TSHZ2: variants seen among roughly 807,000 people sequenced by gnomAD.
The protein encoded by TSHZ2 is teashirt homolog 2.
In TSHZ2, 21 loss-of-function variants were observed where a neutral mutation model predicts 74.4. The observed-to-expected ratio is 0.28, with a 90% CI of 0.20 to 0.41. The LOEUF is 0.41. Ranked by LOEUF, TSHZ2 falls within the 10% of genes least tolerant of loss-of-function variation. The pLI is 1.00. For missense variants in TSHZ2, 1,244 were observed against 1,293.5 expected (o/e 0.96, Z 0.59); for synonymous variants, 540 against 515.3 (o/e 1.05, Z -0.65).
chr20:53,346,901 T>C (rs1271442358), intron 2 of TSHZ2, among the ~76,000 whole-genome samples: 13 of 152,198 alleles, frequency 8.5e-5, no homozygotes, highest in Admixed American at 8.5e-4. Flanking sequence ...TAAACATCTC[T>C]TTGTCCAGTT....
chr20:53,320,020 G>A lies in TSHZ2; in HGVS notation c.*8+63449G>A, dbSNP rs1366305689. 4.6e-5 allele frequency among the ~76,000 whole-genome samples: 7 copies of A among 152,112 alleles called. No homozygotes were observed. The East Asian group carries it at 1.2e-3, about 25-fold the overall frequency. On this transcript the variant is annotated intron_variant, in intron 2 of 2. Transcript: ENST00000371497. ...TGAGAAAGCCCAATCACCCTTTCTG[G>A]GCCATCAACCTAAACCTCAATGGCC...
chr20:53,208,557 A>G (rs1029763585), intron 1 of TSHZ2: 10 of 152,008 alleles, frequency 6.6e-5, no homozygotes, highest in African/African-American at 2.4e-4. Context: ...GCTTGACTTG[A>G]TAATGACTCC....
chr20:53,278,072 T>C (rs1990981287), intron 2 of TSHZ2, among the ~76,000 whole-genome samples: 1 of 152,170 alleles, frequency 6.6e-6, no homozygotes, highest in African/African-American at 2.4e-5. Flanking sequence ...GAGCTACCAT[T>C]TCACGAGTGT....
chr20:53,371,015 T>C (rs926696012), intron 2 of TSHZ2, among the ~76,000 whole-genome samples: 1 of 152,322 alleles, frequency 6.6e-6, no homozygotes, highest in African/African-American at 2.4e-5. Context: ...CTGGTGTTCC[T>C]TGGGTTGCGG....
chr20:53,196,031 G>A (rs1357614744), intron 1 of TSHZ2, among the ~76,000 whole-genome samples: 2 of 152,186 alleles, frequency 1.3e-5, no homozygotes, highest in African/African-American at 2.4e-5. Flanking sequence ...CTCGGCTTCT[G>A]CGTCGCAGCC....
chr20:53,452,295 T>C (rs1323725392), intron 2 of TSHZ2, among the ~76,000 whole-genome samples: 1 of 152,142 alleles, frequency 6.6e-6, no homozygotes, highest in Non-Finnish European at 1.5e-5. Flanking sequence ...CACCATCTCT[T>C]ATTACCTACA....
chr20:53,469,758 TAGAGAGGGAGGAAGGG>T (rs1346112017), intron 2 of TSHZ2, among the ~76,000 whole-genome samples: 1 of 32,308 alleles, frequency 3.1e-5, no homozygotes, highest in Non-Finnish European at 5.8e-5. Flanking sequence ...CCAAGAAAGA[TAGAGAGGGAGGAAGGG>T]AGGGAGGGAG....
chr20:53,327,931 A>C (rs533319434), intron 2 of TSHZ2, among the ~76,000 whole-genome samples: 1 of 152,248 alleles, frequency 6.6e-6, no homozygotes, highest in Admixed American at 6.5e-5. Flanking sequence ...GCGAGAGTGC[A>C]CTTTGCATTT....
At position 53,042,970 on chromosome 20, in the gene TSHZ2, A is replaced by G. The variant is rs570089633; in HGVS notation, c.40+69637A>G. On this transcript the variant is annotated intron_variant, in intron 1 of 2. Transcript: ENST00000371497. ...AAGTCAGTTAAATAAATTAGAGTGC[A>G]TGATTCCAGTGGAGTGCAGTGTCAC... 6.6e-5 allele frequency among the ~76,000 whole-genome samples: 10 copies of G among 152,380 alleles called. No homozygotes were observed. The South Asian group carries it at 1.9e-3, about 28-fold the overall frequency.
chr20:53,416,908 A>T (rs1983274144), intron 2 of TSHZ2, among the ~76,000 whole-genome samples: 1 of 152,352 alleles, frequency 6.6e-6, no homozygotes, highest in East Asian at 1.9e-4. Context: ...TGGAGAATTA[A>T]TTCTTGAAAA....
At chr20:53,223,898 AACACACACACACACACACACACAC>A (rs71675648) in intron 1 of TSHZ2, among the ~76,000 whole-genome samples, 1 of 145,398 alleles carries the variant, frequency 6.9e-6, no homozygotes, top group African/African-American at 2.6e-5. Context: ...TACAGGACTA[AACACACACACACACACACACACAC>A]ACACACACAC....
chr20:53,171,740 A>T (rs561362017), intron 1 of TSHZ2, among the ~76,000 whole-genome samples: 3 of 152,150 alleles, frequency 2.0e-5, no homozygotes, highest in South Asian at 4.1e-4. Flanking sequence ...TGGTATCAAA[A>T]TATATGTTTT....
intron 1 of TSHZ2, among the ~76,000 whole-genome samples, chr20:53,159,796 A>G (rs1479831878): frequency 6.6e-6 from 1 of 152,166 alleles, no homozygotes; most frequent in Non-Finnish European, 1.5e-5. Context: ...TCATTTGACA[A>G]ATATTTATTT....
chr20:53,481,506 AG>A (rs1022460524), intron 2 of TSHZ2, among the ~76,000 whole-genome samples: 1 of 151,864 alleles, frequency 6.6e-6, no homozygotes, highest in African/African-American at 2.4e-5. Flanking sequence ...CCCAGGAGGC[AG>A]AGGTTGCAGT....
chr20:53,467,763 C>T (rs1332167459), intron 2 of TSHZ2, among the ~76,000 whole-genome samples: 1 of 152,132 alleles, frequency 6.6e-6, no homozygotes, highest in Admixed American at 6.6e-5. Flanking sequence ...AGTTGGGCCA[C>T]CAATTTGACT....
chr20:53,105,375 C>T (rs1054237947), intron 1 of TSHZ2, among the ~76,000 whole-genome samples: 9 of 152,174 alleles, frequency 5.9e-5, no homozygotes, highest in Non-Finnish European at 1.3e-4. Context: ...CATCCCAGGC[C>T]TCTCCCCAGT....
intron 2 of TSHZ2, among the ~76,000 whole-genome samples, chr20:53,479,881 C>T (rs982059286): frequency 2.0e-5 from 3 of 152,120 alleles, no homozygotes; most frequent in East Asian, 1.9e-4. Flanking sequence ...AAGGAAGTAT[C>T]TATCTGGCTG....
At chr20:53,277,268 T>G (rs1326997374) in intron 2 of TSHZ2, among the ~76,000 whole-genome samples, 2 of 152,228 alleles carry the variant, frequency 1.3e-5, no homozygotes, top group African/African-American at 4.8e-5. Context: ...GTTAAAACTG[T>G]TCAGCATATT....
rs750453219 is a variant in TSHZ2, at chr20:53,175,131, C to CTTTTTTTTTTTTTTTT, written c.41-78355_41-78340dup. Among the ~76,000 whole-genome samples the CTTTTTTTTTTTTTTTT allele has an allele frequency of 4.1e-4, 26 of 63,640 alleles. 1 individual carries two copies. Among genetic ancestry groups the CTTTTTTTTTTTTTTTT allele is most frequent in the East Asian group, 1.7e-3 (2 of 1,198 alleles). 41.8% of individuals were successfully genotyped at this position (63,640 alleles called of 152,430 possible). ...CTCCTTCTCCTCCTTCTTCTTCTTT[C>CTTTTTTTTTTTTTTTT]TTTTTTTTTTTTTTTTTTTTTTTTT... is the stretch of plus-strand genomic sequence containing the variant. On this transcript the variant is annotated intron_variant, in intron 1 of 2. Coordinates refer to ENST00000371497, the MANE Select transcript of TSHZ2 (RefSeq NM_173485.6).
Sources: gnomAD v4.1 joint callset for allele counts (sites outside exome capture counted in the v4.1 genomes callset) on GRCh38, gnomAD v4.1.1 for gene constraint, MANE v1.5 for transcripts, NCBI Gene and HGNC (gene_info 2026-07-23, HGNC 2026-07-21) for gene names.